Variants in SCML2 observed in about 807,000 individuals in gnomAD.
The protein encoded by SCML2 is Scm polycomb group protein like 2.
A neutral mutation model predicts 48.4 loss-of-function variants in SCML2; 6 were observed. That is an observed-to-expected ratio of 0.12 (90% CI 0.07 to 0.24). SCML2 has a LOEUF of 0.24. SCML2 is among the 10% of genes least tolerant of loss of function. SCML2 has a pLI of 1.00. For synonymous variants in SCML2, 181 were observed against 189.5 expected (o/e 0.95, Z 0.37); for missense variants, 377 against 528.2 (o/e 0.71, Z 2.81).
In SCML2 at chrX:18,244,497, A is replaced by G. The variant is rs745500916; in HGVS notation, c.1823-1907T>C. Among the ~76,000 whole-genome samples the G allele has an allele frequency of 1.2e-3, 137 of 112,145 alleles. 1 individual carries two copies. Among genetic ancestry groups the G allele is most frequent in the Middle Eastern group, 4.6e-3 (1 of 219 alleles). On this transcript the variant is annotated intron_variant, in intron 13 of 14. Transcript: ENST00000251900. The stretch of plus-strand genomic sequence containing the variant: ...AAAATTTTATATTAAAAATAAAACC[A>G]TAAGATTTTCTATTTTTAGTCTATT...
intron 7 of SCML2, among the ~76,000 whole-genome samples, chrX:18,294,092 C>T (rs1401217476): frequency 8.9e-6 from 1 of 111,857 alleles, no homozygotes; most frequent in Non-Finnish European, 1.9e-5. Flanking sequence ...GTGGGTAAAT[C>T]TCAACAAACA....
intron 1 of SCML2, among the ~76,000 whole-genome samples, chrX:18,336,247 T>C (rs757756113): frequency 4.0e-4 from 43 of 108,397 alleles, no homozygotes; most frequent in African/African-American, 1.4e-3. Flanking sequence ...GAGACCATCC[T>C]GGCCAACATG....
At position 18,258,237 on chromosome X, in the gene SCML2, A is replaced by G. The variant is rs1307812681; in HGVS notation, c.1080T>C (p.Tyr360=). 8.3e-7 allele frequency: 1 copy of G among 1,207,370 alleles called. No homozygotes were observed. Among genetic ancestry groups the G allele is most frequent in the Non-Finnish European group, 1.1e-6 (1 of 892,950 alleles). ...CKIVMSTVCV[Y]VNKHGNFGPH... is the part of the protein sequence containing the mutation. ...GGCCAAAGTTTCCATGTTTGTTTACATAGACACAGACTTGAGAAAAAATGC... is the reference window on the plus strand; with the variant it reads ...GGCCAAAGTTTCCATGTTTGTTTACGTAGACACAGACTTGAGAAAAAATGC... The change falls in exon 10 of 15, where the codon TAT becomes TAC. Residue 360 remains tyrosine (Y), a synonymous_variant. Transcript: ENST00000251900.
At chrX:18,265,538 G>A (rs1927226900) in intron 8 of SCML2, 47 bp downstream of exon 8, 1 of 951,770 alleles carries the variant, frequency 1.1e-6, no homozygotes, top group Admixed American at 2.5e-5. Flanking sequence ...TAAATAATAA[G>A]GCACTATAAA....
chrX:18,283,034 G>A (rs993716459), intron 7 of SCML2, among the ~76,000 whole-genome samples: 1 of 111,340 alleles, frequency 9.0e-6, no homozygotes, highest in African/African-American at 3.3e-5. Context: ...GATGAATACA[G>A]AGGCAAATAT....
At chrX:18,292,975 C>T (rs1928281233) in intron 7 of SCML2, among the ~76,000 whole-genome samples, 1 of 111,083 alleles carries the variant, frequency 9.0e-6, no homozygotes, top group Non-Finnish European at 1.9e-5. Context: ...CAACATTTCT[C>T]CACTGATTTG....
chrX:18,261,357 C>G (rs906498997), intron 8 of SCML2, among the ~76,000 whole-genome samples: 4 of 108,962 alleles, frequency 3.7e-5, no homozygotes, highest in African/African-American at 1.1e-4. Context: ...CATTCTTTCA[C>G]TATTTTAAAA....
intron 7 of SCML2, among the ~76,000 whole-genome samples, chrX:18,281,157 T>C (rs1361014135): frequency 1.8e-5 from 2 of 112,292 alleles, no homozygotes; most frequent in East Asian, 5.6e-4. Context: ...AAGCACACTC[T>C]TGGGCCACAG....
At chrX:18,330,971 T>C (rs1359743461) in intron 2 of SCML2, among the ~76,000 whole-genome samples, 2 of 110,699 alleles carry the variant, frequency 1.8e-5, no homozygotes, top group Admixed American at 1.9e-4. Context: ...GTTAAATCAA[T>C]GCATCAGGCC....
intron 6 of SCML2, among the ~76,000 whole-genome samples, chrX:18,313,698 C>T (rs1426490002): frequency 3.6e-5 from 4 of 111,725 alleles, no homozygotes; most frequent in Non-Finnish European, 5.6e-5. Flanking sequence ...GCAGCTGTTC[C>T]AAACCTTAAC....
intron 7 of SCML2, among the ~76,000 whole-genome samples, chrX:18,302,744 T>G (rs1389158289): frequency 9.0e-6 from 1 of 111,599 alleles, no homozygotes; most frequent in African/African-American, 3.3e-5. Flanking sequence ...AGAATATTTA[T>G]CTGAGGGAAC....
chrX:18,246,865 G>A, intron 12 of SCML2, 37 bp from the exon 13 acceptor site: 1 of 1,146,541 alleles, frequency 8.7e-7, no homozygotes, highest in East Asian at 3.0e-5. Context: ...ATCTTCAATA[G>A]ACTTACAATT....
intron 6 of SCML2, among the ~76,000 whole-genome samples, chrX:18,316,828 G>C (rs1189770698): frequency 1.8e-5 from 2 of 112,251 alleles, no homozygotes; most frequent in African/African-American, 3.2e-5. Context: ...ATTCTCATAC[G>C]AGTGCAAACC....
chrX:18,242,208 A>G (rs760742728), intron 14 of SCML2, among the ~76,000 whole-genome samples: 1 of 111,711 alleles, frequency 9.0e-6, no homozygotes, highest in African/African-American at 3.2e-5. Context: ...GAATCATCGT[A>G]TCTTGAGAAG....
At chrX:18,327,692 A>G (rs1929527865) in intron 3 of SCML2, among the ~76,000 whole-genome samples, 1 of 112,181 alleles carries the variant, frequency 8.9e-6, no homozygotes, top group African/African-American at 3.2e-5. Flanking sequence ...TTACTGGTTA[A>G]TGACCATATG....
At chrX:18,267,831 C>T (rs1441940215) in intron 7 of SCML2, among the ~76,000 whole-genome samples, 1 of 110,916 alleles carries the variant, frequency 9.0e-6, no homozygotes, top group African/African-American at 3.3e-5. Context: ...CTCCTGACCT[C>T]GTGATCCACC....
intron 7 of SCML2, among the ~76,000 whole-genome samples, chrX:18,290,986 G>C (rs754561582): frequency 9.0e-6 from 1 of 111,654 alleles, no homozygotes; most frequent in South Asian, 3.8e-4. Context: ...GTAGCTTACA[G>C]GGCATTCCTA....
At chrX:18,330,435 G>A (rs1236230979) in intron 3 of SCML2, 152 bp downstream of exon 3, 3 of 302,097 alleles carry the variant, frequency 9.9e-6, no homozygotes, top group Non-Finnish European at 1.8e-5. Flanking sequence ...TACAATTTTT[G>A]ACCTTTCTTA....
chrX:18,254,410 T>C (rs1012165977), intron 11 of SCML2, among the ~76,000 whole-genome samples: 5 of 112,220 alleles, frequency 4.5e-5, no homozygotes, highest in African/African-American at 1.6e-4. Flanking sequence ...AATGGCTAAA[T>C]TAAGCTTTCT....
Sources: allele counts gnomAD v4.1 joint callset (sites outside exome capture counted in the v4.1 genomes callset), GRCh38; gene constraint gnomAD v4.1.1; transcripts MANE v1.5; gene names NCBI Gene and HGNC (gene_info 2026-07-23, HGNC 2026-07-21).